The following ZHX2 variants were observed in gnomAD, a reference collection of about 807,000 sequenced individuals.
ZHX2 encodes the protein zinc fingers and homeoboxes 2.
In ZHX2, 6 loss-of-function variants were observed where a neutral mutation model predicts 21.9. That is an observed-to-expected ratio of 0.27 (90% confidence interval 0.15 to 0.54). ZHX2 has a LOEUF of 0.54. ZHX2 is among the 20% of genes least tolerant of loss of function. ZHX2 has a pLI of 0.95. For missense variants in ZHX2, 908 were observed against 1,090.7 expected (o/e 0.83, Z 2.36); for synonymous variants, 434 against 437.1 (o/e 0.99, Z 0.09).
intron 2 of ZHX2, among the ~76,000 whole-genome samples, chr8:122,945,661 T>C (rs1256949469): frequency 6.6e-6 from 1 of 152,106 alleles, no homozygotes. Context: ...CACTCTTAGT[T>C]ATCCCACGAG....
chr8:122,890,309 T>C (rs1003103178), intron 2 of ZHX2, among the ~76,000 whole-genome samples: 1 of 152,204 alleles, frequency 6.6e-6, no homozygotes, highest in African/African-American at 2.4e-5. Flanking sequence ...TCTGTTTCAT[T>C]GGTCTATATG....
At chr8:122,910,649 G>T (rs768319370) in intron 2 of ZHX2, among the ~76,000 whole-genome samples, 8 of 152,116 alleles carry the variant, frequency 5.3e-5, no homozygotes, top group Non-Finnish European at 1.0e-4. Flanking sequence ...CAGGCACGGG[G>T]TTACTGGTGG....
At chr8:122,922,941 T>A (rs573801259) in intron 2 of ZHX2, among the ~76,000 whole-genome samples, 1 of 152,350 alleles carries the variant, frequency 6.6e-6, no homozygotes, top group Admixed American at 6.5e-5. Flanking sequence ...TGCTGGGGAC[T>A]GCAAAGGGGG....
chr8:122,883,269 C>T (rs570886665), intron 2 of ZHX2, among the ~76,000 whole-genome samples: 13 of 152,194 alleles, frequency 8.5e-5, no homozygotes, highest in African/African-American at 2.2e-4. Context: ...GACCTGAGCC[C>T]GGGTTCCCTG....
chr8:122,902,652 A>C (rs1431955870), intron 2 of ZHX2, among the ~76,000 whole-genome samples: 2 of 152,180 alleles, frequency 1.3e-5, no homozygotes, highest in Non-Finnish European at 2.9e-5. Flanking sequence ...AATCTCTTTG[A>C]GCTTCAAGTC....
chr8:122,883,128 C>T (rs1819756193), intron 2 of ZHX2, among the ~76,000 whole-genome samples: 1 of 152,196 alleles, frequency 6.6e-6, no homozygotes, highest in Non-Finnish European at 1.5e-5. Context: ...TTCCTCCCCA[C>T]CCTCGTTTCT....
At chr8:122,901,554 G>C (rs1029075531) in intron 2 of ZHX2, among the ~76,000 whole-genome samples, 1 of 152,156 alleles carries the variant, frequency 6.6e-6, no homozygotes, top group African/African-American at 2.4e-5. Flanking sequence ...GGTGATCTTT[G>C]TTCTCTGGGA....
intron 1 of ZHX2, among the ~76,000 whole-genome samples, chr8:122,834,748 G>A (rs1004568899): frequency 6.6e-6 from 1 of 152,116 alleles, no homozygotes; most frequent in Non-Finnish European, 1.5e-5. Flanking sequence ...GGTCTAGGTT[G>A]GTATATTTTT....
chr8:122,833,044 A>G (rs1818413895), intron 1 of ZHX2, among the ~76,000 whole-genome samples: 1 of 152,202 alleles, frequency 6.6e-6, no homozygotes, highest in South Asian at 2.1e-4. Context: ...AGTACACACC[A>G]GGTGAGCCGA....
At chr8:122,884,265 G>A (rs1023930019) in intron 2 of ZHX2, among the ~76,000 whole-genome samples, 1 of 152,200 alleles carries the variant, frequency 6.6e-6, no homozygotes, top group Admixed American at 6.5e-5. Context: ...GGGCATGACT[G>A]TTTTCCTATA....
At chr8:122,879,263 G>A (rs1333853017) in intron 2 of ZHX2, among the ~76,000 whole-genome samples, 13 of 152,122 alleles carry the variant, frequency 8.5e-5, no homozygotes, top group African/African-American at 1.7e-4. Context: ...CTGGAGTGCA[G>A]TGGCACGATC....
chr8:122,861,207 C>T (rs1037605186), intron 1 of ZHX2, among the ~76,000 whole-genome samples: 3 of 152,148 alleles, frequency 2.0e-5, no homozygotes, highest in Admixed American at 2.0e-4. Flanking sequence ...ATGGAGTCAT[C>T]TGTGGCTTAC....
At chr8:122,783,707 G>T (rs927716406) in intron 1 of ZHX2, among the ~76,000 whole-genome samples, 1 of 152,166 alleles carries the variant, frequency 6.6e-6, no homozygotes, top group African/African-American at 2.4e-5. Flanking sequence ...TTGTAAAATG[G>T]CATGTTTAAT....
chr8:122,883,941 G>A (rs755480342), intron 2 of ZHX2, among the ~76,000 whole-genome samples: 8 of 152,170 alleles, frequency 5.3e-5, no homozygotes, highest in Non-Finnish European at 7.3e-5. Context: ...ATGTAATGAC[G>A]GGAATACGCT....
rs559275270 is a variant in ZHX2 at position 122,810,300 on chromosome 8, TG to T, written c.-283+28356del. On this transcript the variant is annotated intron_variant, in intron 1 of 3. Coordinates refer to ENST00000314393, the MANE Select transcript of ZHX2 (RefSeq NM_014943.5). ...TGGGGGGTAGTAACACCTGCTTCCT[TG>T]GCTTGTTTTGAGTATTAAATGCAAC... Among the ~76,000 whole-genome samples the T allele has an allele frequency of 1.5e-3, 222 of 152,348 alleles. 1 individual carries two copies. The highest frequency in any genetic ancestry group is 4.8e-3 in the African/African-American group (201 of 41,580).
At chr8:122,945,107 A>G (rs1200891072) in intron 2 of ZHX2, among the ~76,000 whole-genome samples, 1 of 152,112 alleles carries the variant, frequency 6.6e-6, no homozygotes, top group African/African-American at 2.4e-5. Flanking sequence ...AAACTGTGAG[A>G]GAATAAATTC....
At chr8:122,968,240 C>T (rs1276509819) in intron 3 of ZHX2, among the ~76,000 whole-genome samples, 1 of 152,122 alleles carries the variant, frequency 6.6e-6, no homozygotes, top group African/African-American at 2.4e-5. Flanking sequence ...GAAAGGCATT[C>T]CTACTGTCTC....
chr8:122,822,902 G>T, intron 1 of ZHX2, among the ~76,000 whole-genome samples: 1 of 152,234 alleles, frequency 6.6e-6, no homozygotes, highest in Non-Finnish European at 1.5e-5. Context: ...AGGCTGGAAG[G>T]CTTGCTGCAA....
chr8:122,878,798 A>C (rs1402479815), intron 2 of ZHX2, among the ~76,000 whole-genome samples: 1 of 152,194 alleles, frequency 6.6e-6, no homozygotes, highest in Non-Finnish European at 1.5e-5. Context: ...GAAACCTTCA[A>C]GCCACATGGA....
Sources: allele counts gnomAD v4.1 joint callset (sites outside exome capture counted in the v4.1 genomes callset), GRCh38; gene constraint gnomAD v4.1.1; transcripts MANE v1.5; gene names NCBI Gene and HGNC (gene_info 2026-07-23, HGNC 2026-07-21).